Variants in DHX38 observed in about 807,000 individuals in gnomAD.
DHX38 encodes the protein pre-mRNA-splicing factor ATP-dependent RNA helicase PRP16.
Under a neutral mutation model 153.1 loss-of-function variants are expected in DHX38, and 100 were observed. The ratio of observed to expected loss-of-function variants is 0.65; its 90% CI spans 0.56 to 0.77. DHX38 has a LOEUF of 0.77. Among genes scored for constraint, DHX38 ranks in the 30% least tolerant of loss-of-function variants. DHX38 has a pLI of 0.00. For synonymous variants in DHX38, 650 were observed against 631.7 expected (o/e 1.03, Z -0.43); for missense variants, 1,440 against 1,654.0 (o/e 0.87, Z 2.24).
Position 72,107,042 on chromosome 16 carries a change from G to A in DHX38, c.2601-298G>A, listed in dbSNP as rs1452052210. On this transcript the variant is annotated intron_variant, in intron 19 of 26. Coordinates refer to ENST00000268482, the MANE Select transcript of DHX38 (RefSeq NM_014003.4). The surrounding 1 kb of genome is among the most constrained non-coding windows in gnomAD (Gnocchi z 5.3). ...AAATCAGCTGGGCGTGGTGGCGGAT[G>A]CCTGTAGTCCCAGCTACTCGGGAGG... 6.6e-6 allele frequency among the ~76,000 whole-genome samples: 1 copy of A among 152,162 alleles called. No homozygotes were observed. The highest frequency in any genetic ancestry group is 1.5e-5 in the Non-Finnish European group (1 of 68,028).
intron 4 of DHX38, 101 bp from the exon 5 acceptor site, chr16:72,098,544 G>A (rs888993224): frequency 1.9e-5 from 27 of 1,455,016 alleles, no homozygotes; most frequent in East Asian, 4.6e-5. Flanking sequence ...TTTAGAAATA[G>A]TAAAAGGAGT....
chr16:72,098,578 C>T, intron 4 of DHX38, 67 bp from the exon 5 acceptor site: 1 of 1,564,322 alleles, frequency 6.4e-7, no homozygotes, highest in Admixed American at 1.9e-5. Context: ...TGACTTTTGG[C>T]AACTGGTTCT....
chr16:72,111,614 A>C (rs1341236648), intron 26 of DHX38, among the ~76,000 whole-genome samples: 1 of 152,228 alleles, frequency 6.6e-6, no homozygotes, highest in Non-Finnish European at 1.5e-5. Flanking sequence ...AAAAAGGTAC[A>C]AATTAGAACC....
intron 10 of DHX38, 46 bp downstream of exon 10, chr16:72,101,239 TC>T (rs1339366432): frequency 1.2e-6 from 2 of 1,602,350 alleles, no homozygotes; most frequent in African/African-American, 2.7e-5. Flanking sequence ...TGTATTTTTT[TC>T]TTTTTTCTTC....
chr16:72,104,379 A>G lies in DHX38; in HGVS notation c.2011-107A>G. ...TGATTGGTAAGAATTGAATAGGCCC[A>G]TTTGTCAGCTTTGGCTTGTGTTTCC... is the stretch of plus-strand genomic sequence containing the variant. On this transcript the variant is annotated intron_variant, in intron 14 of 26. Transcript: ENST00000268482. The surrounding 1 kb of genome is among the most constrained non-coding windows in gnomAD (Gnocchi z 4.5). 6.8e-7 allele frequency: 1 copy of G among 1,474,988 alleles called. No homozygotes were observed. Among genetic ancestry groups the G allele is most frequent in the Non-Finnish European group, 9.1e-7 (1 of 1,097,170 alleles). The allele number at this position is 1,474,988 out of a possible 1,614,324, so 91.4% of individuals were successfully genotyped here.
chr16:72,104,744 C>T lies in DHX38; in HGVS notation c.2151+118C>T. ...TGGGTTGGAGAAGATTTCCTGGGGA[C>T]CATGGGGCAAATGGGGCAGCCTGCA... is the stretch of plus-strand genomic sequence containing the variant. On this transcript the variant is annotated intron_variant, in intron 15 of 26. Transcript: ENST00000268482. The surrounding 1 kb of genome is among the most constrained non-coding windows in gnomAD (Gnocchi z 4.5). 1 of 1,450,182 alleles carries T rather than the reference C, an allele frequency of 6.9e-7. No individual in the cohort carries two copies. The highest frequency in any genetic ancestry group is 9.4e-7 in the Non-Finnish European group (1 of 1,059,646). The allele number at this position is 1,450,182 out of a possible 1,614,324, so 89.8% of individuals were successfully genotyped here.
At position 72,108,235 on chromosome 16, in the gene DHX38, G is replaced by A. The variant is rs756321249; in HGVS notation, c.2973G>A (p.Glu991=). The part of the protein sequence containing the change: ...PAIFYRPKGR[E]EESDQIREKF... The stretch of plus-strand genomic sequence containing the variant: ...TCTTTTTCCCTTCCTAGGGTCGAGA[G>A]GAGGAGAGTGATCAAATCCGGGAGA... Residue 991 remains glutamate (E), a synonymous_variant, in exon 22 of 27, where the codon GAG becomes GAA. Coordinates refer to ENST00000268482, the MANE Select transcript of DHX38 (RefSeq NM_014003.4). 6 of 1,613,984 alleles carry A rather than the reference G, an allele frequency of 3.7e-6. No individual in the cohort carries two copies. In the African/African-American group the frequency reaches 8.0e-5, roughly 22 times the overall value.
At chr16:72,111,303 G>C (rs2042252954) in intron 26 of DHX38, among the ~76,000 whole-genome samples, 1 of 152,278 alleles carries the variant, frequency 6.6e-6, no homozygotes, top group Admixed American at 6.5e-5. Flanking sequence ...GCCTGAGGCA[G>C]CCTGGAGTAG....
In DHX38 at chr16:72,101,610, C is replaced by T. The variant is rs944030340; in HGVS notation, c.1497C>T (p.Tyr499=). The stretch of plus-strand genomic sequence containing the variant: ...TGACGGAGGATGGGAAGGTGGACTA[C>T]AGGTGGGCAGCCTCAGCCAGCAGCA... ...KAVTEDGKVD[Y]RTEQKFADHM... The change falls in exon 11 of 27, where the codon TAC becomes TAT. Residue 499 remains tyrosine (Y), a splice_region_variant and synonymous_variant. Transcript: ENST00000268482. 3.9e-6 allele frequency: 6 copies of T among 1,551,150 alleles called. 1 individual carries two copies. The highest frequency in any genetic ancestry group is 3.6e-5 in the South Asian group (3 of 84,046).
chr16:72,101,683 G>A, intron 11 of DHX38, 71 bp downstream of exon 11: 1 of 1,290,772 alleles, frequency 7.7e-7, no homozygotes, highest in Non-Finnish European at 1.1e-6. Context: ...AGTTGCGGCA[G>A]AACCCATCGA....
chr16:72,105,411 G>T, intron 17 of DHX38, 63 bp downstream of exon 17: 1 of 1,600,666 alleles, frequency 6.2e-7, no homozygotes. Flanking sequence ...GAGAGGGGAT[G>T]TGACTGTCCT....
rs1446053926 is a variant in DHX38 at position 72,104,593 on chromosome 16, C to G, written c.2118C>G (p.Gly706=). Residue 706 remains glycine, a synonymous_variant, in exon 15 of 27, where the codon GGC becomes GGG. Coordinates refer to ENST00000268482, the MANE Select transcript of DHX38 (RefSeq NM_014003.4). This position sits in a 1 kb window ranked among gnomAD's most constrained non-coding sequence, Gnocchi z 4.5. ...FGNVPIFHIP[G]RTFPVDILFS... Reference sequence around the variant, plus strand: ...ATGTCCCCATCTTCCACATCCCTGGCCGTACCTTCCCTGTTGACATCCTCT... The same window carrying G: ...ATGTCCCCATCTTCCACATCCCTGGGCGTACCTTCCCTGTTGACATCCTCT... The G allele has an allele frequency of 6.2e-7, 1 of 1,614,040 alleles. No homozygotes were observed. Among genetic ancestry groups the G allele is most frequent in the East Asian group, 2.2e-5 (1 of 44,878 alleles).
At position 72,107,664 on chromosome 16, in the gene DHX38, G is replaced by T. The variant is rs773616499; in HGVS notation, c.2829G>T (p.Gly943=). ...LDNTGGLTST[G]RLMVEFPLDP... The stretch of plus-strand genomic sequence containing the variant: ...TCCTAGGTGGTCTGACCTCTACCGG[G>T]CGGCTGATGGTGGAGTTCCCGCTGG... Residue 943 remains glycine, a synonymous_variant, in exon 21 of 27, where the codon GGG becomes GGT. Coordinates refer to ENST00000268482, the MANE Select transcript of DHX38 (RefSeq NM_014003.4). This position sits in a 1 kb window ranked among gnomAD's most constrained non-coding sequence, Gnocchi z 5.3. 6.2e-7 allele frequency: 1 copy of T among 1,614,018 alleles called. No individual in the cohort carries two copies. The highest frequency in any genetic ancestry group is 1.3e-5 in the African/African-American group (1 of 74,912).
Position 72,104,221 on chromosome 16 carries a change from G to A in DHX38, c.2010+90G>A. The A allele has an allele frequency of 6.7e-7, 1 of 1,499,344 alleles. No individual in the cohort carries two copies. Among genetic ancestry groups the A allele is most frequent in the Non-Finnish European group, 9.0e-7 (1 of 1,109,138 alleles). The allele number at this position is 1,499,344 out of a possible 1,614,324, so 92.9% of individuals were successfully genotyped here. ...GTGGGTTGCTCCAGGTGGGCTGAGG[G>A]GGTCTCTGGTAGGCCAGAGGTTCCT... is the stretch of plus-strand genomic sequence containing the variant. On this transcript the variant is annotated intron_variant, in intron 14 of 26. Transcript: ENST00000268482. This position sits in a 1 kb window ranked among gnomAD's most constrained non-coding sequence, Gnocchi z 4.5.
chr16:72,098,659 T>G lies in DHX38; in HGVS notation c.631T>G (p.Ser211Ala). The G allele has an allele frequency of 6.2e-7, 1 of 1,614,132 alleles. No homozygotes were observed. The highest frequency in any genetic ancestry group is 8.5e-7 in the Non-Finnish European group (1 of 1,179,984). The change falls in exon 5 of 27, where the codon TCA becomes GCA. Residue 211 changes from serine to alanine, a missense_variant. Coordinates refer to ENST00000268482, the MANE Select transcript of DHX38 (RefSeq NM_014003.4). ...RHRPKDAATP[S>A]RSTWEEEDSG... ...TTGTGGCCCAGATGCAGCCACCCCT[T>G]CAAGGTCTACCTGGGAGGAAGAGGA...
chr16:72,107,263 C>T lies in DHX38; in HGVS notation c.2601-77C>T. The T allele has an allele frequency of 2.1e-6, 3 of 1,436,472 alleles. No homozygotes were observed. The highest frequency in any genetic ancestry group is 1.9e-6 in the Non-Finnish European group (2 of 1,068,148). The allele number at this position is 1,436,472 out of a possible 1,614,324, so 89.0% of individuals were successfully genotyped here. A position where few individuals can be genotyped will look rare whatever the true frequency, so the allele number is the denominator to read the frequency against. ...GGGAGAAGAAATGAGAATTTCCTCC[C>T]TCCCTGTGGGATTTCATCTGTACTG... is the stretch of plus-strand genomic sequence containing the variant. On this transcript the variant is annotated intron_variant, in intron 19 of 26. Coordinates refer to ENST00000268482, the MANE Select transcript of DHX38 (RefSeq NM_014003.4). This position sits in a 1 kb window ranked among gnomAD's most constrained non-coding sequence, Gnocchi z 5.3.
At chr16:72,101,255 C>G in intron 10 of DHX38, 62 bp downstream of exon 10, 1 of 1,575,546 alleles carries the variant, frequency 6.3e-7, no homozygotes, top group African/African-American at 1.4e-5. Flanking sequence ...TTCTTCTCTT[C>G]ATAAGTCTTA....
chr16:72,094,297 G>C (rs763308172), intron 1 of DHX38: 1 of 152,566 alleles, frequency 6.6e-6, no homozygotes, highest in African/African-American at 2.4e-5. Context: ...ATGCTGCCTG[G>C]AGTGGCCTTG....
chr16:72,097,362 C>G (rs1343639605), intron 3 of DHX38: 2 of 413,182 alleles, frequency 4.8e-6, no homozygotes, highest in East Asian at 4.1e-5. Flanking sequence ...CAATGCTGTC[C>G]TTGCTCAGTA....
Sources: allele counts gnomAD v4.1 joint callset (sites outside exome capture counted in the v4.1 genomes callset), GRCh38; gene constraint gnomAD v4.1.1; non-coding constraint Gnocchi (gnomAD v3.1); transcripts MANE v1.5; gene names NCBI Gene and HGNC (gene_info 2026-07-23, HGNC 2026-07-21).